The following TMEM272 variants were observed in gnomAD, a reference collection of about 807,000 sequenced individuals.
TMEM272 encodes transmembrane protein 272, also known as long intergenic non-protein coding RNA 282.
In TMEM272, 8 loss-of-function variants were observed where a neutral mutation model predicts 3.7. The ratio of observed to expected loss-of-function variants is 2.17; its 90% CI spans 1.27 to 3.91. The LOEUF is 3.91. TMEM272 is among the 30% of genes most tolerant of loss of function. The pLI, the probability that TMEM272 is intolerant of heterozygous loss-of-function variation, is 0.00. For missense variants in TMEM272, 166 were observed against 91.5 expected, an observed-to-expected ratio of 1.81 and a Z score of -3.32; for synonymous variants, 63 against 39.8, an observed-to-expected ratio of 1.58 and a Z score of -2.20.
the TMEM272 span, among the ~76,000 whole-genome samples, chr13:51,914,308 TAA>T: frequency 7.2e-5 from 11 of 152,228 alleles, no homozygotes; most frequent in Non-Finnish European, 1.2e-4. Flanking sequence ...TAAGCTCGTT[TAA>T]TACATAGGGA....
At chr13:51,892,812 TTCC>T in the TMEM272 span, among the ~76,000 whole-genome samples, 1 of 152,146 alleles carries the variant, frequency 6.6e-6, no homozygotes, top group Non-Finnish European at 1.5e-5. Flanking sequence ...CCTCCCTTTG[TTCC>T]TCCGTCCTAG....
chr13:51,876,524 C>A, the TMEM272 span, among the ~76,000 whole-genome samples: 3 of 152,216 alleles, frequency 2.0e-5, no homozygotes, highest in Non-Finnish European at 2.9e-5. Flanking sequence ...AACTTCACAT[C>A]ATTTGCATTT....
At chr13:51,913,581 C>A in the TMEM272 span, among the ~76,000 whole-genome samples, 1 of 152,188 alleles carries the variant, frequency 6.6e-6, no homozygotes, top group Non-Finnish European at 1.5e-5. Context: ...CCAGGCCAGG[C>A]TGCAACTGAT....
At chr13:51,917,676 T>C in the TMEM272 span, among the ~76,000 whole-genome samples, 1 of 152,192 alleles carries the variant, frequency 6.6e-6, no homozygotes, top group Non-Finnish European at 1.5e-5. Context: ...TTACTAAGTA[T>C]GTGTTGGGCA....
At chr13:51,825,180 A>C (rs1056818331) in intron 3 of TMEM272, among the ~76,000 whole-genome samples, 15 of 152,126 alleles carry the variant, frequency 9.9e-5, no homozygotes, top group African/African-American at 3.6e-4. Flanking sequence ...AAGTGATTGA[A>C]TTGTTCACTC....
chr13:51,890,017 C>T, the TMEM272 span, among the ~76,000 whole-genome samples: 1 of 152,118 alleles, frequency 6.6e-6, no homozygotes, highest in Non-Finnish European at 1.5e-5. Flanking sequence ...GCTTCCCAGA[C>T]TCCTCCATGG....
the TMEM272 span, among the ~76,000 whole-genome samples, chr13:51,912,886 C>T: frequency 2.6e-5 from 4 of 152,304 alleles, no homozygotes; most frequent in South Asian, 2.1e-4. Context: ...AAAAGTTAGA[C>T]GGATGGAAAT....
the TMEM272 span, among the ~76,000 whole-genome samples, chr13:51,926,362 G>A: frequency 1.8e-4 from 28 of 152,212 alleles, no homozygotes; most frequent in East Asian, 1.9e-3. Flanking sequence ...CACAGCCCCC[G>A]TTCTGGTGAC....
At chr13:51,837,667 G>C (rs769870029) in intron 2 of TMEM272, among the ~76,000 whole-genome samples, 3 of 152,220 alleles carry the variant, frequency 2.0e-5, no homozygotes, top group African/African-American at 7.2e-5. Context: ...GGCACTGCTG[G>C]AGGTGCTGGC....
intron 2 of TMEM272, among the ~76,000 whole-genome samples, chr13:51,830,277 A>C (rs1410272382): frequency 6.6e-6 from 1 of 152,060 alleles, no homozygotes; most frequent in African/African-American, 2.4e-5. Context: ...GTAAAATGTT[A>C]CCTCCTCTTC....
the TMEM272 span, chr13:51,865,757 A>T: frequency 6.2e-7 from 1 of 1,614,106 alleles, no homozygotes; most frequent in Non-Finnish European, 8.5e-7. Context: ...AAAGTACCGC[A>T]CTTTCTGGAA....
chr13:51,847,675 A>C (rs2139598553), upstream of TMEM272, among the ~76,000 whole-genome samples: 2 of 152,294 alleles, frequency 1.3e-5, no homozygotes, highest in Middle Eastern at 6.8e-3. Context: ...AGTGACTGTG[A>C]GCAGTGAGGT....
chr13:51,856,094 G>A, the TMEM272 span, among the ~76,000 whole-genome samples: 1 of 152,174 alleles, frequency 6.6e-6, no homozygotes, highest in Non-Finnish European at 1.5e-5. Flanking sequence ...GGTGGGCAGG[G>A]GACTTCTGAT....
chr13:51,883,850 TCTC>T, the TMEM272 span, among the ~76,000 whole-genome samples: 1 of 152,202 alleles, frequency 6.6e-6, no homozygotes, highest in Non-Finnish European at 1.5e-5. Flanking sequence ...ACTTGTGAGT[TCTC>T]CTCCATCCAT....
At chr13:51,847,275 C>T (rs929316029), upstream of TMEM272, among the ~76,000 whole-genome samples, 1 of 152,156 alleles carries the variant, frequency 6.6e-6, no homozygotes, top group African/African-American at 2.4e-5. Context: ...GGTGAGCAAT[C>T]ATTACCACCT....
At chr13:51,915,014 A>C in the TMEM272 span, among the ~76,000 whole-genome samples, 1 of 152,244 alleles carries the variant, frequency 6.6e-6, no homozygotes, top group Non-Finnish European at 1.5e-5. Context: ...ATACAAAATT[A>C]GGTACAAAAG....
chr13:51,900,024 C>T, the TMEM272 span, among the ~76,000 whole-genome samples: 1 of 152,068 alleles, frequency 6.6e-6, no homozygotes, highest in African/African-American at 2.4e-5. Flanking sequence ...GTCTTACATG[C>T]AAGAGTTAAA....
At chr13:51,855,106 G>T in the TMEM272 span, among the ~76,000 whole-genome samples, 1 of 152,184 alleles carries the variant, frequency 6.6e-6, no homozygotes, top group Non-Finnish European at 1.5e-5. Context: ...TGAAAGCAGT[G>T]AATGAAAGGC....
At chr13:51,826,507 T>C in intron 3 of TMEM272, 59 bp downstream of exon 3, 1 of 701,448 alleles carries the variant, frequency 1.4e-6, no homozygotes, top group Admixed American at 2.0e-5. Flanking sequence ...TTACATGCCT[T>C]GGGTCCATGC....
Sources: allele counts gnomAD v4.1 joint callset (sites outside exome capture counted in the v4.1 genomes callset), GRCh38; gene constraint gnomAD v4.1.1; transcripts MANE v1.5; gene names NCBI Gene and HGNC (gene_info 2026-07-23, HGNC 2026-07-21).